The following AHRR variants were observed in gnomAD, a reference collection of about 807,000 sequenced individuals.
The protein encoded by AHRR is ahR repressor.
AHRR carries 28 observed loss-of-function variants against 44.0 expected under a neutral mutation model. The ratio of observed to expected loss-of-function variants is 0.64; its 90% CI spans 0.47 to 0.87. AHRR has a LOEUF of 0.87. AHRR is among the 40% of genes least tolerant of loss of function. AHRR has a pLI of 0.00. For missense variants in AHRR, 990 were observed against 953.9 expected, an observed-to-expected ratio of 1.04 and a Z score of -0.50; for synonymous variants, 434 against 407.0, an observed-to-expected ratio of 1.07 and a Z score of -0.80.
At chr5:348,719 G>C (rs576454767) in intron 2 of AHRR, among the ~76,000 whole-genome samples, 1 of 152,318 alleles carries the variant, frequency 6.6e-6, no homozygotes, top group African/African-American at 2.4e-5. Context: ...TCTGTTGTAT[G>C]GATAGACCAA....
intron 1 of AHRR, among the ~76,000 whole-genome samples, chr5:329,968 G>A (rs1445588029): frequency 6.6e-6 from 1 of 152,092 alleles, no homozygotes; most frequent in Non-Finnish European, 1.5e-5. Flanking sequence ...ACTTTCTCCT[G>A]CCTGATCGCT....
At chr5:403,179 A>G (rs1735093272) in intron 4 of AHRR, among the ~76,000 whole-genome samples, 2 of 152,166 alleles carry the variant, frequency 1.3e-5, no homozygotes, top group African/African-American at 4.8e-5. Flanking sequence ...TCGGAGGCAG[A>G]AAGCGGGTGG....
chr5:340,703 T>TA (rs1742316660), intron 1 of AHRR, among the ~76,000 whole-genome samples: 2 of 88,148 alleles, frequency 2.3e-5, no homozygotes, highest in African/African-American at 9.1e-5. Context: ...TTTTTTTTTT[T>TA]TTTTTTTTTT....
intron 2 of AHRR, among the ~76,000 whole-genome samples, chr5:344,966 G>T (rs1394509708): frequency 1.4e-4 from 12 of 83,192 alleles, no homozygotes; most frequent in East Asian, 3.2e-4. Flanking sequence ...TGTGAGGTTG[G>T]GGGCTGTGTG....
At position 434,301 on chromosome 5, in the gene AHRR, GA is replaced by G; in HGVS notation, c.1562del (p.Asp521AlafsTer9). The G allele has an allele frequency of 6.2e-7, 1 of 1,609,956 alleles. No individual in the cohort carries two copies. The highest frequency in any genetic ancestry group is 8.5e-7 in the Non-Finnish European group (1 of 1,177,992). ...GCAAGGTGTACCGATGCCTCCGGGGGACCTGTGTGGTCCGACGCTGCTGCTA... is the reference window on the plus strand; with the variant it reads ...GCAAGGTGTACCGATGCCTCCGGGGGCCTGTGTGGTCCGACGCTGCTGCTA... ...KLQGVPMPPGDLCGPTLLLDV... is the reference protein window; with the variant it reads ...KLQGVPMPPGXLCGPTLLLDV... On this transcript the variant is annotated frameshift_variant, in exon 11 of 11. Transcript: ENST00000684583.
At chr5:426,954 TGATG>T (rs1361135179) in intron 7 of AHRR, among the ~76,000 whole-genome samples, 5 of 127,330 alleles carry the variant, frequency 3.9e-5, no homozygotes, top group Non-Finnish European at 6.6e-5. Context: ...GATGGGAAGA[TGATG>T]GATGGAAACA....
chr5:322,455 CCTGTCCGG>C (rs1211214894), intron 1 of AHRR: 2 of 152,142 alleles, frequency 1.3e-5, no homozygotes, highest in Non-Finnish European at 2.9e-5. Context: ...GTCCCACGGG[CCTGTCCGG>C]CTGTGGCCTC....
chr5:376,650 C>A lies in AHRR; in HGVS notation c.285C>A (p.Ala95=). 7.0e-7 allele frequency: 1 copy of A among 1,432,704 alleles called. No homozygotes were observed. The highest frequency in any genetic ancestry group is 9.4e-7 in the Non-Finnish European group (1 of 1,065,538). 88.7% of individuals were successfully genotyped at this position (1,432,704 alleles called of 1,614,324 possible). A position where few individuals can be genotyped will look rare whatever the true frequency, so the allele number is the denominator to read the frequency against. ...EQSSRQPAAG[A]PSPGDSCPLA... Reference sequence around the variant, plus strand: ...GCTCACGGCAGCCTGCGGCCGGCGCCCCCTCGCCCGGAGACAGCTGTCCTC... The same window carrying A: ...GCTCACGGCAGCCTGCGGCCGGCGCACCCTCGCCCGGAGACAGCTGTCCTC... Residue 95 remains alanine, a synonymous_variant, in exon 4 of 11, where the codon GCC becomes GCA. Transcript: ENST00000684583.
At chr5:366,640 TATTA>T (rs1743369376) in intron 3 of AHRR, among the ~76,000 whole-genome samples, 1 of 152,168 alleles carries the variant, frequency 6.6e-6, no homozygotes, top group Non-Finnish European at 1.5e-5. Flanking sequence ...ACAAAATATC[TATTA>T]ATTATGAAGC....
intron 2 of AHRR, among the ~76,000 whole-genome samples, chr5:344,829 C>G (rs1312343500): frequency 1.1e-5 from 1 of 88,464 alleles, no homozygotes; most frequent in African/African-American, 7.2e-5. Flanking sequence ...GTGTGGGGGA[C>G]TGTAGGGAGC....
At position 404,272 on chromosome 5, in the gene AHRR, CT is replaced by C. The variant is rs1184518572; in HGVS notation, c.352-9070del. 2.0e-6 allele frequency: 1 copy of C among 498,970 alleles called. No individual in the cohort carries two copies. The highest frequency in any genetic ancestry group is 5.1e-5 in the East Asian group (1 of 19,750). The allele number at this position is 498,970 out of a possible 1,614,324, so 30.9% of individuals were successfully genotyped here. A position where few individuals can be genotyped will look rare whatever the true frequency, so the allele number is the denominator to read the frequency against. On this transcript the variant is annotated intron_variant, in intron 4 of 10. Transcript: ENST00000684583. The surrounding 1 kb of genome is among the most constrained non-coding windows in gnomAD (Gnocchi z 4.1). Reference sequence around the variant, plus strand: ...CCATGCATGTTCCCAAATCATTGCCCTTCTCATCAAACATGTGAATAATTCG... The same window carrying C: ...CCATGCATGTTCCCAAATCATTGCCCTCTCATCAAACATGTGAATAATTCG...
chr5:354,497 C>CGAGG (rs565122817), intron 3 of AHRR, among the ~76,000 whole-genome samples: 266 of 152,296 alleles, frequency 1.7e-3, no homozygotes, highest in African/African-American at 6.1e-3. Context: ...GGTGGGGCCT[C>CGAGG]CCCAGGCCTG....
intron 1 of AHRR, among the ~76,000 whole-genome samples, chr5:323,373 G>C (rs1399516635): frequency 6.6e-6 from 1 of 152,180 alleles, no homozygotes; most frequent in Non-Finnish European, 1.5e-5. Context: ...ATTTAGGCTA[G>C]GTATGGCAAG....
At chr5:329,976 G>T (rs550636306) in intron 1 of AHRR, among the ~76,000 whole-genome samples, 1 of 152,140 alleles carries the variant, frequency 6.6e-6, no homozygotes, top group South Asian at 2.1e-4. Context: ...CTGCCTGATC[G>T]CTCTGGATAG....
Position 333,057 on chromosome 5 carries a change from TAC to T in AHRR, c.-10-10835_-10-10834del, listed in dbSNP as rs1560878576. 1.7e-3 allele frequency among the ~76,000 whole-genome samples: 255 copies of T among 151,724 alleles called. 1 individual carries two copies. The highest frequency in any genetic ancestry group is 5.8e-3 in the African/African-American group (239 of 41,186). ...ATTTCCCCACCCCACCCCCCGCCTT[TAC>T]TTTCAATCTGTATGTGTCTTTTTAA... On this transcript the variant is annotated intron_variant, in intron 1 of 10. Transcript: ENST00000684583.
At chr5:416,228 C>T (rs779756534) in intron 5 of AHRR, among the ~76,000 whole-genome samples, 24 of 152,226 alleles carry the variant, frequency 1.6e-4, no homozygotes, top group Non-Finnish European at 3.1e-4. Flanking sequence ...AGGCCACTGC[C>T]CTGTTGGGAA....
chr5:415,505 GGTCGGGTGGGAGGCCTAGGGGCCGA>G (rs1735723055), intron 5 of AHRR, among the ~76,000 whole-genome samples: 4 of 132,136 alleles, frequency 3.0e-5, no homozygotes, highest in Non-Finnish European at 4.6e-5. Flanking sequence ...GAGTCTCCCT[GGTCGGGTGGGAGGCCTAGGGGCCGA>G]GTCTGCCTGG....
rs562105051 is a variant in AHRR, at chr5:416,909, C to T, written c.441+3476C>T. On this transcript the variant is annotated intron_variant, in intron 5 of 10. Transcript: ENST00000684583. ...TGGCTTGGTCCATATGTGCAGGTCC[C>T]GAGTCTAGAGAAGGCGGCTTGGTCT... Among the ~76,000 whole-genome samples, 27 of 151,478 alleles carry T rather than the reference C, an allele frequency of 1.8e-4. No homozygotes were observed. The South Asian group carries it at 3.1e-3, about 18-fold the overall frequency.
intron 4 of AHRR, among the ~76,000 whole-genome samples, chr5:402,804 C>T (rs1335348240): frequency 1.3e-5 from 2 of 152,160 alleles, no homozygotes; most frequent in Non-Finnish European, 2.9e-5. Flanking sequence ...GCATGTCCAC[C>T]AGTGAATGCA....
Sources: allele counts gnomAD v4.1 joint callset (sites outside exome capture counted in the v4.1 genomes callset), GRCh38; gene constraint gnomAD v4.1.1; non-coding constraint Gnocchi (gnomAD v3.1); transcripts MANE v1.5; gene names NCBI Gene and HGNC (gene_info 2026-07-23, HGNC 2026-07-21).